The following RGS7 variants were observed in gnomAD, a reference collection of about 807,000 sequenced individuals.
RGS7 encodes the protein regulator of G-protein signaling 7.
RGS7 carries 27 observed loss-of-function variants against 81.1 expected under a neutral mutation model. The ratio of observed to expected loss-of-function variants is 0.33; its 90% CI spans 0.25 to 0.46. The LOEUF (loss-of-function observed/expected upper bound fraction) is 0.46, where lower values mean the gene tolerates loss of function less well. Among genes scored for constraint, RGS7 ranks in the 20% least tolerant of loss-of-function variants. RGS7 has a pLI of 1.00. For synonymous variants in RGS7, 208 were observed against 207.7 expected (o/e 1.00, Z -0.01); for missense variants, 396 against 607.4 (o/e 0.65, Z 3.66).
intron 3 of RGS7, among the ~76,000 whole-genome samples, chr1:241,075,453 TC>T (rs1322638207): frequency 6.6e-6 from 1 of 152,092 alleles, no homozygotes; most frequent in East Asian, 1.9e-4. Context: ...TATGTGCAAT[TC>T]AGGGTTCAGT....
intron 11 of RGS7, among the ~76,000 whole-genome samples, chr1:240,816,015 A>G (rs1690740753): frequency 3.3e-5 from 5 of 152,216 alleles, no homozygotes; most frequent in Admixed American, 3.3e-4. Context: ...CAAAGTAACT[A>G]TTGATGATGG....
At chr1:240,922,492 C>T (rs1673736491) in intron 6 of RGS7, among the ~76,000 whole-genome samples, 1 of 151,914 alleles carries the variant, frequency 6.6e-6, no homozygotes, top group Non-Finnish European at 1.5e-5. Context: ...CTGGTATCCA[C>T]AATATACAAG....
chr1:240,956,766 G>A (rs1045345689), intron 4 of RGS7, among the ~76,000 whole-genome samples: 3 of 152,012 alleles, frequency 2.0e-5, no homozygotes, highest in Admixed American at 6.6e-5. Flanking sequence ...ATGGTAAAAG[G>A]ATCCATGGTT....
At chr1:241,100,146 C>T (rs6680925) in intron 2 of RGS7, among the ~76,000 whole-genome samples, 7,582 of 151,900 alleles carry the variant, frequency 0.05, 607 homozygotes, top group African/African-American at 0.17. Context: ...GAGGCCGAGG[C>T]GGGCGGATCA....
At chr1:240,818,722 A>G (rs1385870992) in intron 10 of RGS7, among the ~76,000 whole-genome samples, 6 of 152,202 alleles carry the variant, frequency 3.9e-5, no homozygotes, top group Non-Finnish European at 7.3e-5. Flanking sequence ...AATTACACTT[A>G]TATGTGGAAT....
At chr1:240,921,715 T>A (rs777363169) in intron 6 of RGS7, among the ~76,000 whole-genome samples, 5 of 152,082 alleles carry the variant, frequency 3.3e-5, no homozygotes, top group African/African-American at 4.8e-5. Context: ...AGAAGATATA[T>A]ATTAATAAGA....
At chr1:241,055,177 C>G (rs577997458) in intron 3 of RGS7, among the ~76,000 whole-genome samples, 5 of 152,332 alleles carry the variant, frequency 3.3e-5, no homozygotes, top group African/African-American at 1.2e-4. Context: ...GATTCTCCAG[C>G]AGACATCAGT....
intron 7 of RGS7, among the ~76,000 whole-genome samples, chr1:240,869,726 G>C (rs1664132937): frequency 6.6e-6 from 1 of 151,898 alleles, no homozygotes; most frequent in Non-Finnish European, 1.5e-5. Flanking sequence ...GATCACCTGA[G>C]GTCAGGAGTT....
rs188030863 is a variant in RGS7, at chr1:240,874,592, T to A, written c.386-4473A>T. Among the ~76,000 whole-genome samples the A allele has an allele frequency of 6.9e-3, 1,053 of 152,356 alleles. 10 individuals carry two copies. The highest frequency in any genetic ancestry group is 0.024 in the African/African-American group (1,018 of 41,576). On this transcript the variant is annotated intron_variant, in intron 6 of 18. Transcript: ENST00000440928. ...TTATTATTTTAACATTAAAAATTTTTAAAATATTTTAGTTGATAAATGAGA... is the reference window on the plus strand; with the variant it reads ...TTATTATTTTAACATTAAAAATTTTAAAAATATTTTAGTTGATAAATGAGA...
chr1:241,240,677 C>T (rs1214048457), intron 2 of RGS7, among the ~76,000 whole-genome samples: 1 of 152,110 alleles, frequency 6.6e-6, no homozygotes, highest in East Asian at 1.9e-4. Context: ...AAAATATAAT[C>T]ATTCAATCAT....
intron 3 of RGS7, among the ~76,000 whole-genome samples, chr1:241,040,147 T>C (rs148910509): frequency 2.1e-3 from 327 of 152,290 alleles, no homozygotes; most frequent in Non-Finnish European, 3.9e-3. Flanking sequence ...TCACCTGAGG[T>C]GGCCACATCT....
At chr1:241,128,777 CAAAAAAAAAAAAA>C (rs71172680) in intron 2 of RGS7, among the ~76,000 whole-genome samples, 1 of 77,954 alleles carries the variant, frequency 1.3e-5, no homozygotes, top group Admixed American at 1.6e-4. Flanking sequence ...GAATAATAGG[CAAAAAAAAAAAAA>C]AAAAAAAAAC....
intron 9 of RGS7, among the ~76,000 whole-genome samples, chr1:240,827,377 A>T (rs1472854212): frequency 6.6e-6 from 1 of 152,198 alleles, no homozygotes; most frequent in Non-Finnish European, 1.5e-5. Flanking sequence ...TTCACACTTA[A>T]AAGCCTTCAG....
In RGS7 at chr1:240,868,680, G is replaced by A. The variant is rs774149253; in HGVS notation, c.528-12C>T. 6.2e-7 allele frequency: 1 copy of A among 1,613,084 alleles called. No homozygotes were observed. Among genetic ancestry groups the A allele is most frequent in the East Asian group, 2.2e-5 (1 of 44,846 alleles). On this transcript the variant is annotated splice_polypyrimidine_tract_variant and intron_variant, in intron 8 of 18. Coordinates refer to ENST00000440928, the MANE Select transcript of RGS7 (RefSeq NM_001364886.1). This position sits in a 1 kb window ranked among gnomAD's most constrained non-coding sequence, Gnocchi z 5.1. ...TCTTCTTGTCCACTCTGTCAACACA[G>A]TAACAATAGATAACATTTAGTATTA...
intron 18 of RGS7, 70 bp from the exon 19 acceptor site, chr1:240,776,283 T>A: frequency 9.0e-7 from 1 of 1,111,272 alleles, no homozygotes; most frequent in Non-Finnish European, 1.4e-6. Flanking sequence ...TGCTTAGTAG[T>A]AGCAACTATT....
chr1:241,047,202 CA>C (rs1160446109), intron 3 of RGS7, among the ~76,000 whole-genome samples: 2 of 152,170 alleles, frequency 1.3e-5, no homozygotes, highest in African/African-American at 4.8e-5. Context: ...TGCTCCCAAC[CA>C]ATGATGAAGC....
At chr1:240,994,186 A>G (rs895846650) in intron 3 of RGS7, among the ~76,000 whole-genome samples, 7 of 152,182 alleles carry the variant, frequency 4.6e-5, no homozygotes, top group Non-Finnish European at 8.8e-5. Context: ...TTACCTATAA[A>G]TCTTAGAATT....
chr1:241,312,423 C>T (rs957829925), intron 2 of RGS7, among the ~76,000 whole-genome samples: 1 of 152,112 alleles, frequency 6.6e-6, no homozygotes, highest in African/African-American at 2.4e-5. Context: ...GCCATTTTCC[C>T]AACAACAGGT....
At chr1:240,828,631 A>G (rs1693274985) in intron 9 of RGS7, among the ~76,000 whole-genome samples, 1 of 152,200 alleles carries the variant, frequency 6.6e-6, no homozygotes, top group African/African-American at 2.4e-5. Flanking sequence ...TACTGAAAAT[A>G]CAAAAATTAG....
Sources: allele counts gnomAD v4.1 joint callset (sites outside exome capture counted in the v4.1 genomes callset), GRCh38; gene constraint gnomAD v4.1.1; non-coding constraint Gnocchi (gnomAD v3.1); transcripts MANE v1.5; gene names NCBI Gene and HGNC (gene_info 2026-07-23, HGNC 2026-07-21).